Variants in PCDHGA1 observed in about 807,000 individuals in gnomAD.
PCDHGA1 encodes protocadherin gamma-A1.
In PCDHGA1, 32 loss-of-function variants were observed where a neutral mutation model predicts 58.0. The ratio of observed to expected loss-of-function variants is 0.55; its 90% CI spans 0.42 to 0.74. The LOEUF is 0.74. Ranked by LOEUF, PCDHGA1 falls within the 30% of genes least tolerant of loss-of-function variation. PCDHGA1 has a pLI of 0.00. For synonymous variants in PCDHGA1, 498 were observed against 501.1 expected (o/e 0.99, Z 0.08); for missense variants, 1,205 against 1,182.3 (o/e 1.02, Z -0.28).
intron 1 of PCDHGA1, chr5:141,371,497 T>C: frequency 1.2e-6 from 2 of 1,613,908 alleles, no homozygotes; most frequent in South Asian, 2.2e-5. Context: ...GCCGTTGCCC[T>C]GATCAAAACA....
chr5:141,486,901 T>A lies in PCDHGA1; in HGVS notation c.2422-7906T>A. The A allele has an allele frequency of 6.2e-7, 1 of 1,614,238 alleles. No homozygotes were observed. Among genetic ancestry groups the A allele is most frequent in the Non-Finnish European group, 8.5e-7 (1 of 1,180,042 alleles). ...CTCGGGCCCGGCCTGGTTCCTTATG[T>A]CCCCAAGCACTGCCTCCATCAGTTG... On this transcript the variant is annotated intron_variant, in intron 1 of 3. Transcript: ENST00000517417. This position sits in a 1 kb window ranked among gnomAD's most constrained non-coding sequence, Gnocchi z 5.0.
chr5:141,366,591 C>A, intron 1 of PCDHGA1: 1 of 1,614,246 alleles, frequency 6.2e-7, no homozygotes, highest in East Asian at 2.2e-5. Context: ...CAGACCTATT[C>A]CCACGAGGTC....
intron 1 of PCDHGA1, chr5:141,343,189 T>C (rs941725783): frequency 1.8e-6 from 1 of 565,512 alleles, no homozygotes; most frequent in African/African-American, 2.0e-5. Context: ...CCCAAACATA[T>C]TGTCTGATGC....
chr5:141,339,771 C>T, intron 1 of PCDHGA1: 4 of 1,614,182 alleles, frequency 2.5e-6, no homozygotes, highest in Non-Finnish European at 2.5e-6. Flanking sequence ...GTGACCGCCA[C>T]TGACGCAGAT....
At chr5:141,337,222 C>G (rs1756666181) in intron 1 of PCDHGA1, among the ~76,000 whole-genome samples, 1 of 152,134 alleles carries the variant, frequency 6.6e-6, no homozygotes, top group African/African-American at 2.4e-5. Flanking sequence ...GGTGACTCCT[C>G]AAAAATTTAA....
intron 1 of PCDHGA1, chr5:141,399,309 CA>C: frequency 6.2e-7 from 1 of 1,613,902 alleles, no homozygotes; most frequent in Non-Finnish European, 8.5e-7. Flanking sequence ...TCTCTTCATC[CA>C]AAAATTCGTA....
chr5:141,353,077 A>G (rs912122149), intron 1 of PCDHGA1, among the ~76,000 whole-genome samples: 11 of 152,152 alleles, frequency 7.2e-5, no homozygotes, highest in Non-Finnish European at 1.3e-4. Context: ...TAGTGATGGT[A>G]TCTACTGCGG....
intron 1 of PCDHGA1, chr5:141,385,016 C>T (rs536780147): frequency 1.2e-6 from 2 of 1,614,068 alleles, no homozygotes; most frequent in African/African-American, 1.3e-5. Flanking sequence ...GTCTTCCTAG[C>T]CTTCGTCCTC....
chr5:141,451,116 CCA>C (rs1257364243), intron 1 of PCDHGA1, among the ~76,000 whole-genome samples: 1 of 152,200 alleles, frequency 6.6e-6, no homozygotes, highest in Non-Finnish European at 1.5e-5. Context: ...GCGTGAGCCA[CCA>C]CACCCAGCCT....
chr5:141,385,110 C>G (rs1315178545), intron 1 of PCDHGA1: 2 of 1,614,194 alleles, frequency 1.2e-6, no homozygotes, highest in South Asian at 2.2e-5. Flanking sequence ...ACGTGCCCAC[C>G]TCGCACTTTG....
At chr5:141,410,676 T>G in intron 1 of PCDHGA1, 1 of 1,550,692 alleles carries the variant, frequency 6.4e-7, no homozygotes, top group African/African-American at 1.4e-5. Flanking sequence ...TTTCTCATAT[T>G]TTAGGCATAC....
intron 1 of PCDHGA1, chr5:141,393,283 C>T (rs2150516449): frequency 6.2e-7 from 1 of 1,613,988 alleles, no homozygotes; most frequent in Middle Eastern, 1.6e-4. Flanking sequence ...CTCCCAGAAG[C>T]TGTTGACCCG....
intron 1 of PCDHGA1, chr5:141,340,799 A>G (rs1349721639): frequency 1.2e-6 from 2 of 1,613,006 alleles, no homozygotes; most frequent in African/African-American, 2.7e-5. Context: ...CCACCTGCTC[A>G]AGGCCAGCGA....
intron 1 of PCDHGA1, chr5:141,428,180 C>G (rs780780274): frequency 1.3e-6 from 2 of 1,486,274 alleles, no homozygotes; most frequent in East Asian, 2.3e-5. Flanking sequence ...TGACGGAGGA[C>G]AGCCGCCGCT....
intron 1 of PCDHGA1, chr5:141,427,887 C>T (rs759734297): frequency 3.8e-6 from 6 of 1,565,908 alleles, no homozygotes; most frequent in South Asian, 1.1e-5. Flanking sequence ...GGCCCACGAC[C>T]AGGGCTCGCC....
chr5:141,410,849 C>CTTTTTTTTCTTTTT (rs2095433387), intron 1 of PCDHGA1: 1 of 129,786 alleles, frequency 7.7e-6, no homozygotes, highest in African/African-American at 6.0e-5. Flanking sequence ...TTGTCTTTGT[C>CTTTTTTTTCTTTTT]TTTTTTTTTT....
At chr5:141,492,548 C>A (rs1028674110) in intron 1 of PCDHGA1, among the ~76,000 whole-genome samples, 1 of 152,218 alleles carries the variant, frequency 6.6e-6, no homozygotes, top group Non-Finnish European at 1.5e-5. Flanking sequence ...TGGGCCGGGT[C>A]GCCTGGGGGG....
rs934674909 is a variant in PCDHGA1, at chr5:141,511,083, A to C, written c.2706A>C (p.Thr902=). Residue 902 remains threonine, a synonymous_variant, in exon 4 of 4, where the codon ACA becomes ACC. Transcript: ENST00000517417. The part of the protein sequence containing the change: ...QNVYIPGSNA[T]LTNAAGKRDG... Reference sequence around the variant, plus strand: ...TCTACATCCCAGGCAGCAATGCCACACTGACCAACGCAGCTGGCAAGCGGG... The same window carrying C: ...TCTACATCCCAGGCAGCAATGCCACCCTGACCAACGCAGCTGGCAAGCGGG... 1.2e-6 allele frequency: 2 copies of C among 1,614,108 alleles called. No homozygotes were observed. Among genetic ancestry groups the C allele is most frequent in the African/African-American group, 2.7e-5 (2 of 74,940 alleles).
At position 141,489,083 on chromosome 5, in the gene PCDHGA1, T is replaced by G; in HGVS notation, c.2422-5724T>G. On this transcript the variant is annotated intron_variant, in intron 1 of 3. Coordinates refer to ENST00000517417, the MANE Select transcript of PCDHGA1 (RefSeq NM_018912.3). This position sits in a 1 kb window ranked among gnomAD's most constrained non-coding sequence, Gnocchi z 4.5. ...CCTCCCCCCTGCCCACCCCCGCCACTCGGTGACTAAGAACTGCTGCAAGCA... is the reference window on the plus strand; with the variant it reads ...CCTCCCCCCTGCCCACCCCCGCCACGCGGTGACTAAGAACTGCTGCAAGCA... The G allele has an allele frequency of 1.2e-5, 2 of 172,008 alleles. No individual in the cohort carries two copies. Among genetic ancestry groups the G allele is most frequent in the Non-Finnish European group, 2.1e-5 (2 of 94,012 alleles). The allele number at this position is 172,008 out of a possible 1,614,324, so 10.7% of individuals were successfully genotyped here. A position where few individuals can be genotyped will look rare whatever the true frequency, so the allele number is the denominator to read the frequency against.
Sources: gnomAD v4.1 joint callset for allele counts (sites outside exome capture counted in the v4.1 genomes callset) on GRCh38, gnomAD v4.1.1 for gene constraint, Gnocchi (gnomAD v3.1) non-coding constraint, MANE v1.5 for transcripts, NCBI Gene and HGNC (gene_info 2026-07-23, HGNC 2026-07-21) for gene names.